The following ARHGAP15 variants were observed in gnomAD, a reference collection of about 807,000 sequenced individuals.
The protein encoded by ARHGAP15 is Rho GTPase activating protein 15, also known as rho GTPase-activating protein 15.
In ARHGAP15, 51 loss-of-function variants were observed where a neutral mutation model predicts 63.7. The ratio of observed to expected loss-of-function variants is 0.80; its 90% confidence interval spans 0.64 to 1.01. The LOEUF is 1.01. Among genes scored for constraint, ARHGAP15 ranks in the 50% least tolerant of loss-of-function variants. The pLI, the probability that ARHGAP15 is intolerant of heterozygous loss-of-function variation, is 0.00. For synonymous variants in ARHGAP15, 191 were observed against 193.8 expected, an observed-to-expected ratio of 0.99 and a Z score of 0.12; for missense variants, 560 against 564.6, an observed-to-expected ratio of 0.99 and a Z score of 0.08.
At chr2:143,527,697 T>C (rs1282388780) in intron 10 of ARHGAP15, among the ~76,000 whole-genome samples, 4 of 152,066 alleles carry the variant, frequency 2.6e-5, no homozygotes, top group Non-Finnish European at 4.4e-5. Context: ...TTTAAAATAT[T>C]AAGTACATGA....
At chr2:143,644,550 C>G (rs1680775086) in intron 12 of ARHGAP15, among the ~76,000 whole-genome samples, 1 of 152,002 alleles carries the variant, frequency 6.6e-6, no homozygotes, top group Non-Finnish European at 1.5e-5. Context: ...GCCAAAGGAC[C>G]ATACTTGGAG....
chr2:143,503,880 C>T (rs901401751), intron 9 of ARHGAP15, among the ~76,000 whole-genome samples: 8 of 152,106 alleles, frequency 5.3e-5, no homozygotes, highest in African/African-American at 7.2e-5. Context: ...CAAAGCTACA[C>T]AAAGCAAGGT....
chr2:143,371,804 T>C (rs942742987), intron 6 of ARHGAP15, among the ~76,000 whole-genome samples: 4 of 152,150 alleles, frequency 2.6e-5, no homozygotes, highest in African/African-American at 9.7e-5. Context: ...TACATAAGAC[T>C]TCATTGAGTT....
At chr2:143,591,289 T>C (rs4662344) in intron 11 of ARHGAP15, among the ~76,000 whole-genome samples, 124,999 of 152,130 alleles carry the variant, frequency 0.82, 51,483 homozygotes, top group African/African-American at 0.84. Context: ...AGTAAAATTT[T>C]CAAAACATAT....
At chr2:143,606,062 A>AAAAAAAAAAAAAAC (rs1559076886) in intron 11 of ARHGAP15, among the ~76,000 whole-genome samples, 1 of 73,176 alleles carries the variant, frequency 1.4e-5, no homozygotes. Context: ...AAAAAAAAAA[A>AAAAAAAAAAAAAAC]AAAAAAAAGC....
At chr2:143,643,911 T>C (rs549395137) in intron 12 of ARHGAP15, among the ~76,000 whole-genome samples, 4 of 152,194 alleles carry the variant, frequency 2.6e-5, no homozygotes, top group African/African-American at 9.6e-5. Context: ...AGTAGAAAAC[T>C]GAGTCAAACA....
chr2:143,318,286 G>A (rs550719293), intron 6 of ARHGAP15, among the ~76,000 whole-genome samples: 1 of 152,146 alleles, frequency 6.6e-6, no homozygotes, highest in Admixed American at 6.5e-5. Flanking sequence ...GTTTATAGGT[G>A]TGAGCCACCA....
chr2:143,467,916 T>C (rs1413374476), intron 8 of ARHGAP15, among the ~76,000 whole-genome samples: 2 of 152,142 alleles, frequency 1.3e-5, no homozygotes, highest in East Asian at 3.8e-4. Context: ...GATCTAAGCT[T>C]AGTTCATCTA....
At chr2:143,394,606 G>A (rs72852751) in intron 6 of ARHGAP15, among the ~76,000 whole-genome samples, 19,756 of 152,032 alleles carry the variant, frequency 0.13, 1,735 homozygotes, top group Non-Finnish European at 0.19. Context: ...TTCTACCTGC[G>A]GAAAACAACA....
At chr2:143,643,174 T>C (rs1680690531) in intron 12 of ARHGAP15, among the ~76,000 whole-genome samples, 1 of 151,986 alleles carries the variant, frequency 6.6e-6, no homozygotes, top group Non-Finnish European at 1.5e-5. Context: ...GAGAAGATAA[T>C]GTGGTGGTAA....
At chr2:143,556,832 A>G (rs954296813) in intron 11 of ARHGAP15, among the ~76,000 whole-genome samples, 1 of 152,098 alleles carries the variant, frequency 6.6e-6, no homozygotes, top group African/African-American at 2.4e-5. Flanking sequence ...TGATGAATGA[A>G]AGAATGAATG....
At chr2:143,627,300 T>C (rs923798028) in intron 12 of ARHGAP15, among the ~76,000 whole-genome samples, 3 of 152,170 alleles carry the variant, frequency 2.0e-5, no homozygotes, top group Non-Finnish European at 4.4e-5. Context: ...AACAGGGTAA[T>C]GGGGCTGAGA....
chr2:143,702,679 G>A (rs1478420982), intron 12 of ARHGAP15, among the ~76,000 whole-genome samples: 1 of 152,118 alleles, frequency 6.6e-6, no homozygotes, highest in African/African-American at 2.4e-5. Context: ...GAAGAGGTTG[G>A]TAGGCCTGCG....
chr2:143,534,980 T>A (rs1030709430), intron 10 of ARHGAP15, among the ~76,000 whole-genome samples: 1 of 152,202 alleles, frequency 6.6e-6, no homozygotes, highest in East Asian at 1.9e-4. Context: ...TTTATAAGTT[T>A]TCCCTGAAGA....
At chr2:143,205,213 T>C (rs1286412270) in intron 3 of ARHGAP15, among the ~76,000 whole-genome samples, 1 of 149,778 alleles carries the variant, frequency 6.7e-6, no homozygotes. Context: ...CTTGAACATT[T>C]GGGGTGGAGG....
intron 6 of ARHGAP15, among the ~76,000 whole-genome samples, chr2:143,266,643 T>A (rs1339779621): frequency 2.6e-5 from 4 of 152,166 alleles, no homozygotes; most frequent in Non-Finnish European, 5.9e-5. Flanking sequence ...GACTCCAATC[T>A]GATTTAGAGA....
chr2:143,668,312 T>G (rs1229368985), intron 12 of ARHGAP15, among the ~76,000 whole-genome samples: 2 of 152,068 alleles, frequency 1.3e-5, no homozygotes, highest in African/African-American at 4.8e-5. Flanking sequence ...ATCATTGCAT[T>G]GTTTTCAGCA....
intron 6 of ARHGAP15, among the ~76,000 whole-genome samples, chr2:143,391,716 T>C (rs1334055392): frequency 6.6e-6 from 1 of 152,192 alleles, no homozygotes; most frequent in Non-Finnish European, 1.5e-5. Flanking sequence ...CAGAGCAGGA[T>C]ACCCCTTTCC....
intron 12 of ARHGAP15, among the ~76,000 whole-genome samples, chr2:143,655,393 A>C (rs915420112): frequency 2.9e-5 from 4 of 136,924 alleles, no homozygotes; most frequent in African/African-American, 9.9e-5. Flanking sequence ...CTTGGGTTTG[A>C]ATTTGGGCCC....
Sources: allele counts gnomAD v4.1 joint callset (sites outside exome capture counted in the v4.1 genomes callset), GRCh38; gene constraint gnomAD v4.1.1; transcripts MANE v1.5; gene names NCBI Gene and HGNC (gene_info 2026-07-23, HGNC 2026-07-21).